The following ARHGEF38 variants were observed in gnomAD, a reference collection of about 807,000 sequenced individuals.
The protein encoded by ARHGEF38 is Rho guanine nucleotide exchange factor (GEF) 38.
Under a neutral mutation model 79.9 loss-of-function variants are expected in ARHGEF38, and 79 were observed. The ratio of observed to expected loss-of-function variants is 0.99; its 90% CI spans 0.82 to 1.19. The LOEUF (loss-of-function observed/expected upper bound fraction) is 1.19. ARHGEF38 is among the 50% of genes most tolerant of loss of function. ARHGEF38 has a pLI of 0.00. For synonymous variants in ARHGEF38, 366 were observed against 328.3 expected (o/e 1.11, Z -1.24); for missense variants, 962 against 907.2 (o/e 1.06, Z -0.78).
At chr4:105,659,894 C>T (rs545582727) in intron 10 of ARHGEF38, among the ~76,000 whole-genome samples, 24 of 134,758 alleles carry the variant, frequency 1.8e-4, no homozygotes, top group Non-Finnish European at 2.9e-4. Context: ...TGTGTAGCTT[C>T]GCCTCCCATT....
intron 1 of ARHGEF38, among the ~76,000 whole-genome samples, chr4:105,557,687 G>A (rs1280860365): frequency 6.6e-6 from 1 of 151,880 alleles, no homozygotes; most frequent in East Asian, 1.9e-4. Flanking sequence ...TGCAAACCAG[G>A]GAGTGGGCTC....
At chr4:105,612,482 A>G (rs916705860) in intron 2 of ARHGEF38, among the ~76,000 whole-genome samples, 1 of 152,154 alleles carries the variant, frequency 6.6e-6, no homozygotes, top group South Asian at 2.1e-4. Flanking sequence ...TCATGAGTAA[A>G]AGGCACCTAC....
chr4:105,668,662 G>GTAGATGA (rs1730846383), intron 13 of ARHGEF38, among the ~76,000 whole-genome samples: 1 of 148,920 alleles, frequency 6.7e-6, no homozygotes, highest in South Asian at 2.1e-4. Flanking sequence ...ATGTATATGT[G>GTAGATGA]TAGATAGATA....
downstream of ARHGEF38, among the ~76,000 whole-genome samples, chr4:105,682,196 A>C (rs1365095733): frequency 6.6e-6 from 1 of 152,206 alleles, no homozygotes; most frequent in South Asian, 2.1e-4. Flanking sequence ...TATAATATGA[A>C]GTATGATAAA....
At chr4:105,581,256 C>T (rs1035642148) in intron 1 of ARHGEF38, among the ~76,000 whole-genome samples, 3 of 152,128 alleles carry the variant, frequency 2.0e-5, no homozygotes, top group African/African-American at 7.2e-5. Flanking sequence ...GTGTTTTGGT[C>T]ACTTGGTGGG....
At chr4:105,610,937 A>G (rs1156533350) in intron 2 of ARHGEF38, among the ~76,000 whole-genome samples, 1 of 152,072 alleles carries the variant, frequency 6.6e-6, no homozygotes, top group Non-Finnish European at 1.5e-5. Flanking sequence ...AAAAAATCTA[A>G]ACAGAGATAG....
At chr4:105,601,094 C>T (rs935032230) in intron 2 of ARHGEF38, among the ~76,000 whole-genome samples, 1 of 152,104 alleles carries the variant, frequency 6.6e-6, no homozygotes, top group Non-Finnish European at 1.5e-5. Flanking sequence ...CTACTCAAAA[C>T]CCTCCAATGA....
Position 105,680,120 on chromosome 4 carries a change from G to A in ARHGEF38, c.*2183G>A. On this transcript the variant is annotated 3_prime_UTR_variant, in exon 14 of 14. Transcript: ENST00000420470. ...TCATTTTCATCTGTGTTTTATAAAGGAGGAAATTGAGGACCTCACATGGAG... is the reference window on the plus strand; with the variant it reads ...TCATTTTCATCTGTGTTTTATAAAGAAGGAAATTGAGGACCTCACATGGAG... 2.8e-6 allele frequency: 2 copies of A among 713,782 alleles called. No individual in the cohort carries two copies. Among genetic ancestry groups the A allele is most frequent in the South Asian group, 2.8e-5 (2 of 71,672 alleles). 44.2% of individuals were successfully genotyped at this position (713,782 alleles called of 1,614,324 possible).
At chr4:105,591,803 A>G (rs1167682578) in intron 2 of ARHGEF38, among the ~76,000 whole-genome samples, 2 of 152,126 alleles carry the variant, frequency 1.3e-5, no homozygotes, top group Non-Finnish European at 2.9e-5. Flanking sequence ...ATTACCAGAC[A>G]CTTTCTGAAA....
intron 3 of ARHGEF38, among the ~76,000 whole-genome samples, chr4:105,620,667 G>A (rs936391013): frequency 3.9e-5 from 6 of 152,160 alleles, no homozygotes. Flanking sequence ...GCATCTTAAT[G>A]ATTCATGGAT....
chr4:105,671,232 G>A (rs1390476942), intron 13 of ARHGEF38, among the ~76,000 whole-genome samples: 1 of 152,110 alleles, frequency 6.6e-6, no homozygotes, highest in Non-Finnish European at 1.5e-5. Context: ...ATGCATCTTG[G>A]ATCGGTAGCA....
chr4:105,584,487 G>A (rs1352290940), intron 1 of ARHGEF38, among the ~76,000 whole-genome samples: 1 of 152,138 alleles, frequency 6.6e-6, no homozygotes, highest in African/African-American at 2.4e-5. Context: ...TTAACTTACA[G>A]ATGAGAAAAT....
intron 1 of ARHGEF38, among the ~76,000 whole-genome samples, chr4:105,553,906 G>T (rs145256662): frequency 6.6e-6 from 1 of 152,130 alleles, no homozygotes; most frequent in Non-Finnish European, 1.5e-5. Context: ...CAGAAAGACC[G>T]ATAGGACATG....
intron 2 of ARHGEF38, among the ~76,000 whole-genome samples, chr4:105,601,632 T>C (rs999492477): frequency 1.3e-5 from 2 of 152,094 alleles, no homozygotes; most frequent in Non-Finnish European, 2.9e-5. Flanking sequence ...CTGTTAGACA[T>C]TGGCTAAGGG....
intron 2 of ARHGEF38, among the ~76,000 whole-genome samples, chr4:105,592,828 T>C: frequency 6.6e-6 from 1 of 152,166 alleles, no homozygotes; most frequent in Non-Finnish European, 1.5e-5. Context: ...ATCTACCAAC[T>C]TACTGCATCT....
chr4:105,632,948 A>G (rs763790524), intron 4 of ARHGEF38: 1 of 152,692 alleles, frequency 6.5e-6, no homozygotes, highest in African/African-American at 2.4e-5. Flanking sequence ...ATAGCCCAGT[A>G]TCATATCCCC....
chr4:105,553,647 A>G (rs1011507794), intron 1 of ARHGEF38, among the ~76,000 whole-genome samples: 2 of 152,228 alleles, frequency 1.3e-5, no homozygotes, highest in Non-Finnish European at 2.9e-5. Flanking sequence ...ATAGCACATC[A>G]TTTGTTTCAG....
Position 105,667,714 on chromosome 4 carries a change from G to A in ARHGEF38, c.2148+11G>A, listed in dbSNP as rs1188209258. 6.5e-7 allele frequency: 1 copy of A among 1,535,936 alleles called. No homozygotes were observed. On this transcript the variant is annotated intron_variant, in intron 13 of 13. Coordinates refer to ENST00000420470, the MANE Select transcript of ARHGEF38 (RefSeq NM_001242729.2). ...GAAGTAGACGAACAGGTAAAAATTT[G>A]ATGTAAAAATATGTGGTTGTTCAAA...
chr4:105,648,080 A>G (rs1050450118), intron 6 of ARHGEF38, among the ~76,000 whole-genome samples: 6 of 151,504 alleles, frequency 4.0e-5, no homozygotes, highest in African/African-American at 7.3e-5. Flanking sequence ...AGTAGAGACG[A>G]GGTTTCACCA....
Sources: gnomAD v4.1 joint callset for allele counts (sites outside exome capture counted in the v4.1 genomes callset) on GRCh38, gnomAD v4.1.1 for gene constraint, MANE v1.5 for transcripts, NCBI Gene and HGNC (gene_info 2026-07-23, HGNC 2026-07-21) for gene names.